Variants in TBCK observed in about 807,000 individuals in gnomAD.
TBCK encodes the protein TBC domain-containing protein kinase-like protein.
A neutral mutation model predicts 113.4 loss-of-function variants in TBCK; 99 were observed. That is an observed-to-expected ratio of 0.87 (90% CI 0.74 to 1.03). The LOEUF is 1.03. Ranked by LOEUF, TBCK falls within the 50% of genes least tolerant of loss-of-function variation. TBCK has a pLI of 0.00. For synonymous variants in TBCK, 369 were observed against 370.8 expected, an observed-to-expected ratio of 1.00 and a Z score of 0.05; for missense variants, 1,045 against 1,061.3, an observed-to-expected ratio of 0.98 and a Z score of 0.21.
chr4:106,084,162 C>T (rs1324754531), intron 25 of TBCK, among the ~76,000 whole-genome samples: 1 of 152,036 alleles, frequency 6.6e-6, no homozygotes, highest in Non-Finnish European at 1.5e-5. Context: ...CATGTTCTAA[C>T]CCAATGCAAA....
At chr4:106,113,614 C>T (rs999940938) in intron 24 of TBCK, among the ~76,000 whole-genome samples, 1 of 152,038 alleles carries the variant, frequency 6.6e-6, no homozygotes, top group South Asian at 2.1e-4. Flanking sequence ...CAACCTGGTA[C>T]CAGAAATAAA....
rs189412444 is a variant in TBCK, at chr4:106,098,627, T to C, written c.2412-2986A>G. Among the ~76,000 whole-genome samples, 309 of 148,372 alleles carry C rather than the reference T, an allele frequency of 2.1e-3. 2 individuals carry two copies. Among genetic ancestry groups the C allele is most frequent in the African/African-American group, 7.0e-3 (291 of 41,454 alleles). On this transcript the variant is annotated intron_variant, in intron 24 of 25. Coordinates refer to ENST00000394708, the MANE Select transcript of TBCK (RefSeq NM_001163435.3). ...AGTAATTACAATGAAATCTCTAGAC[T>C]GGAATAATAATAGTTATGAAAGCAT...
At chr4:106,117,622 A>C (rs1488188925) in intron 23 of TBCK, among the ~76,000 whole-genome samples, 1 of 152,228 alleles carries the variant, frequency 6.6e-6, no homozygotes, top group East Asian at 1.9e-4. Flanking sequence ...GCCTTTCCCC[A>C]TAATAGGCAA....
chr4:106,113,485 G>A (rs891284996), intron 24 of TBCK, among the ~76,000 whole-genome samples: 1 of 152,144 alleles, frequency 6.6e-6, no homozygotes, highest in African/African-American at 2.4e-5. Flanking sequence ...AGTAATGTAC[G>A]GTGTGGTCCA....
At chr4:106,239,573 T>G (rs1288778629) in intron 12 of TBCK, among the ~76,000 whole-genome samples, 1 of 152,032 alleles carries the variant, frequency 6.6e-6, no homozygotes, top group Non-Finnish European at 1.5e-5. Context: ...AGGTGACATT[T>G]TAGCAGAGAA....
intron 22 of TBCK, among the ~76,000 whole-genome samples, chr4:106,185,581 A>T (rs1017847403): frequency 6.6e-6 from 1 of 152,122 alleles, no homozygotes; most frequent in African/African-American, 2.4e-5. Context: ...TGTGACAAGA[A>T]CTTACATTTT....
intron 20 of TBCK, among the ~76,000 whole-genome samples, chr4:106,208,200 A>T (rs1755742291): frequency 2.0e-5 from 3 of 152,192 alleles, no homozygotes; most frequent in Admixed American, 2.0e-4. Flanking sequence ...AGATGGGGCA[A>T]GTCCCCAGTG....
chr4:106,258,588 A>C (rs747267828), intron 5 of TBCK, among the ~76,000 whole-genome samples: 2 of 152,068 alleles, frequency 1.3e-5, no homozygotes, highest in Non-Finnish European at 2.9e-5. Flanking sequence ...TGTAGCTCTT[A>C]CTTGATATGC....
chr4:106,260,145 A>T (rs1762369004), intron 5 of TBCK, among the ~76,000 whole-genome samples: 2 of 151,930 alleles, frequency 1.3e-5, no homozygotes, highest in Admixed American at 1.3e-4. Flanking sequence ...TCTTGCCTTA[A>T]GTTGATTTGA....
intron 23 of TBCK, among the ~76,000 whole-genome samples, chr4:106,145,726 G>A (rs892117990): frequency 6.6e-6 from 1 of 151,998 alleles, no homozygotes; most frequent in Admixed American, 6.6e-5. Context: ...ATTTGTTTAA[G>A]TTCCTTATAG....
intron 23 of TBCK, among the ~76,000 whole-genome samples, chr4:106,124,339 AG>A (rs1744870701): frequency 6.6e-6 from 1 of 152,246 alleles, no homozygotes; most frequent in African/African-American, 2.4e-5. Flanking sequence ...ATCATTAAAA[AG>A]TCAGGAAACA....
At chr4:106,102,434 A>G (rs993982901) in intron 24 of TBCK, among the ~76,000 whole-genome samples, 2 of 152,334 alleles carry the variant, frequency 1.3e-5, no homozygotes, top group African/African-American at 4.8e-5. Flanking sequence ...CCTCAACAGT[A>G]GCGTTTCAGG....
chr4:106,114,303 C>T (rs1743228777), intron 24 of TBCK, among the ~76,000 whole-genome samples: 1 of 152,082 alleles, frequency 6.6e-6, no homozygotes, highest in South Asian at 2.1e-4. Context: ...GTAGCCAAAC[C>T]CTCTTATCTG....
intron 24 of TBCK, among the ~76,000 whole-genome samples, chr4:106,112,449 T>A (rs1396356398): frequency 2.6e-5 from 4 of 152,198 alleles, no homozygotes; most frequent in Admixed American, 6.5e-5. Flanking sequence ...CTGGTAAACA[T>A]GGAAAAGTCA....
At chr4:106,193,081 C>A (rs1312110091) in intron 22 of TBCK, among the ~76,000 whole-genome samples, 1 of 152,140 alleles carries the variant, frequency 6.6e-6, no homozygotes, top group Non-Finnish European at 1.5e-5. Flanking sequence ...AAACTCCTTA[C>A]TTGTGAATAC....
At chr4:106,291,361 A>G (rs1765692579) in intron 3 of TBCK, among the ~76,000 whole-genome samples, 2 of 152,232 alleles carry the variant, frequency 1.3e-5, no homozygotes, top group African/African-American at 4.8e-5. Flanking sequence ...ATGAGACAGC[A>G]GAAGACTCTA....
chr4:106,230,851 C>G (rs918322457), intron 18 of TBCK, among the ~76,000 whole-genome samples: 2 of 151,806 alleles, frequency 1.3e-5, no homozygotes, highest in Non-Finnish European at 1.5e-5. Flanking sequence ...TTATAATTCA[C>G]ATTTTCAAAC....
intron 25 of TBCK, among the ~76,000 whole-genome samples, chr4:106,055,961 TATG>T (rs1304343431): frequency 2.0e-5 from 3 of 151,402 alleles, no homozygotes; most frequent in African/African-American, 7.3e-5. Flanking sequence ...ATACCATAAT[TATG>T]ATAATTATGG....
intron 22 of TBCK, among the ~76,000 whole-genome samples, chr4:106,176,782 A>G (rs1008269799): frequency 2.6e-5 from 4 of 151,874 alleles, no homozygotes; most frequent in African/African-American, 9.7e-5. Flanking sequence ...AGCTATACTA[A>G]TTTACATTCC....
Sources: gnomAD v4.1 joint callset for allele counts (sites outside exome capture counted in the v4.1 genomes callset) on GRCh38, gnomAD v4.1.1 for gene constraint, MANE v1.5 for transcripts, NCBI Gene and HGNC (gene_info 2026-07-23, HGNC 2026-07-21) for gene names.